ZFC3H1: variants seen among roughly 807,000 people sequenced by gnomAD.
ZFC3H1 encodes the protein zinc finger C3H1-type containing, also known as zinc finger C3H1 domain-containing protein.
ZFC3H1 carries 71 observed loss-of-function variants against 243.7 expected under a neutral mutation model. That is an observed-to-expected ratio of 0.29 (90% CI 0.24 to 0.36). The LOEUF (loss-of-function observed/expected upper bound fraction) is 0.36. Among genes scored for constraint, ZFC3H1 ranks in the 10% least tolerant of loss-of-function variants. ZFC3H1 has a pLI of 1.00. For missense variants in ZFC3H1, 1,966 were observed against 2,317.1 expected (o/e 0.85, Z 3.11); for synonymous variants, 838 against 813.0 (o/e 1.03, Z -0.52).
chr12:71,663,010 T>C lies in ZFC3H1; in HGVS notation c.598+3A>G. ...CCAGCGCCGACCGCCACGTTAAGGATACAGCTCTTCCGAGGTGGAGAGGGC... is the reference window on the plus strand; with the variant it reads ...CCAGCGCCGACCGCCACGTTAAGGACACAGCTCTTCCGAGGTGGAGAGGGC... On this transcript the variant is annotated splice_donor_region_variant and intron_variant, in intron 1 of 34. Coordinates refer to ENST00000378743, the MANE Select transcript of ZFC3H1 (RefSeq NM_144982.5). 6.3e-7 allele frequency: 1 copy of C among 1,596,706 alleles called. No homozygotes were observed. Among genetic ancestry groups the C allele is most frequent in the Non-Finnish European group, 8.5e-7 (1 of 1,171,760 alleles).
chr12:71,615,156 T>C (rs750375854), intron 28 of ZFC3H1, 50 bp downstream of exon 28: 9 of 1,408,382 alleles, frequency 6.4e-6, no homozygotes, highest in Admixed American at 1.9e-5. Flanking sequence ...CAGTAATAAA[T>C]AGCAAATGCA....
intron 3 of ZFC3H1, among the ~76,000 whole-genome samples, chr12:71,645,468 A>AAGG (rs1442360734): frequency 6.6e-6 from 1 of 152,220 alleles, no homozygotes; most frequent in Non-Finnish European, 1.5e-5. Flanking sequence ...AGGAAAGAAG[A>AAGG]AGGAAGTGGT....
At chr12:71,655,522 T>G (rs1367601165) in intron 2 of ZFC3H1, among the ~76,000 whole-genome samples, 1 of 151,972 alleles carries the variant, frequency 6.6e-6, no homozygotes, top group Non-Finnish European at 1.5e-5. Flanking sequence ...ATACTACAGA[T>G]AAAAAAGTAA....
chr12:71,611,346 A>T, intron 32 of ZFC3H1: 2 of 277,466 alleles, frequency 7.2e-6, no homozygotes, highest in Non-Finnish European at 1.3e-5. Flanking sequence ...CGTTCACAGG[A>T]GAAAAAAAAA....
At chr12:71,652,310 T>G (rs1417930154) in intron 2 of ZFC3H1, among the ~76,000 whole-genome samples, 1 of 152,226 alleles carries the variant, frequency 6.6e-6, no homozygotes, top group African/African-American at 2.4e-5. Flanking sequence ...CATCATTTTC[T>G]TGCTTAAAAA....
intron 16 of ZFC3H1, among the ~76,000 whole-genome samples, 166 bp from the exon 17 acceptor site, chr12:71,631,120 A>T (rs1292795481): frequency 6.6e-6 from 1 of 152,164 alleles, no homozygotes. Context: ...AAGACCTAGA[A>T]TATCAAGGGA....
intron 16 of ZFC3H1, 62 bp downstream of exon 16, chr12:71,631,716 T>C (rs926193498): frequency 2.9e-6 from 4 of 1,369,720 alleles, no homozygotes; most frequent in African/African-American, 1.5e-5. Context: ...ATATTCAAGA[T>C]AAAATATTAA....
intron 3 of ZFC3H1, among the ~76,000 whole-genome samples, chr12:71,645,461 AAAG>A (rs1345567831): frequency 7.9e-5 from 12 of 152,250 alleles, no homozygotes; most frequent in African/African-American, 2.2e-4. Context: ...AGAGGTAAGG[AAAG>A]AAGAAGGAAG....
intron 3 of ZFC3H1, among the ~76,000 whole-genome samples, chr12:71,645,817 C>G (rs1405314432): frequency 6.6e-6 from 1 of 152,190 alleles, no homozygotes; most frequent in Non-Finnish European, 1.5e-5. Context: ...AAAAATTAAT[C>G]TGTTCTCTCC....
intron 19 of ZFC3H1, among the ~76,000 whole-genome samples, chr12:71,629,303 C>T (rs1880253989): frequency 6.6e-6 from 1 of 151,680 alleles, no homozygotes; most frequent in Non-Finnish European, 1.5e-5. Flanking sequence ...GTAGCTGAGG[C>T]TGCAGGCACA....
At chr12:71,619,810 G>A (rs1044162712) in intron 26 of ZFC3H1, 116 bp downstream of exon 26, 1 of 898,024 alleles carries the variant, frequency 1.1e-6, no homozygotes, top group African/African-American at 1.7e-5. Context: ...AAGAGAGAAG[G>A]AACACCTAAC....
chr12:71,657,546 T>A (rs1485097899), intron 1 of ZFC3H1, among the ~76,000 whole-genome samples: 1 of 152,228 alleles, frequency 6.6e-6, no homozygotes, highest in Non-Finnish European at 1.5e-5. Flanking sequence ...GTGTCATAAT[T>A]ACCAGTAGTA....
rs1308660020 is a variant in ZFC3H1 at position 71,612,779 on chromosome 12, T to A, written c.5627+556A>T. ...TTTTTGAATTAAAAAGCATAATTCT[T>A]GCGGATGAAAGTGGATTTGCTGTAT... On this transcript the variant is annotated intron_variant, in intron 31 of 34. Coordinates refer to ENST00000378743, the MANE Select transcript of ZFC3H1 (RefSeq NM_144982.5). Among the ~76,000 whole-genome samples, 7 of 152,164 alleles carry A rather than the reference T, an allele frequency of 4.6e-5. No individual in the cohort carries two copies. The East Asian group carries it at 1.3e-3, about 29-fold the overall frequency.
chr12:71,615,379 AT>A, intron 27 of ZFC3H1, 63 bp from the exon 28 acceptor site: 1 of 1,075,316 alleles, frequency 9.3e-7, no homozygotes, highest in Non-Finnish European at 1.4e-6. Context: ...TTACACACAT[AT>A]TTTTTAAAAT....
At chr12:71,656,535 A>G (rs1592604120) in intron 2 of ZFC3H1, 1 of 662,816 alleles carries the variant, frequency 1.5e-6, no homozygotes, top group Non-Finnish European at 2.7e-6. Context: ...GAATAGGAGT[A>G]AAACCCTCCT....
At chr12:71,648,558 CTTAATT>C (rs1423302509) in intron 2 of ZFC3H1, among the ~76,000 whole-genome samples, 4 of 152,124 alleles carry the variant, frequency 2.6e-5, no homozygotes, top group African/African-American at 4.8e-5. Context: ...TAAACTAGAT[CTTAATT>C]TTAAGTCTGG....
rs144722001 is a variant in ZFC3H1, at chr12:71,658,585, A to G, written c.599-1284T>C. On this transcript the variant is annotated intron_variant, in intron 1 of 34. Coordinates refer to ENST00000378743, the MANE Select transcript of ZFC3H1 (RefSeq NM_144982.5). ...ATTACAGGTGTGAGCCACTGCACCCAGCCTATAGATTATTTTCAGTTGGCT... is the reference window on the plus strand; with the variant it reads ...ATTACAGGTGTGAGCCACTGCACCCGGCCTATAGATTATTTTCAGTTGGCT... 6.7e-3 allele frequency among the ~76,000 whole-genome samples: 1,017 copies of G among 152,080 alleles called. 5 individuals are homozygous for G. Among genetic ancestry groups the G allele is most frequent in the African/African-American group, 0.018 (745 of 41,508 alleles).
Position 71,632,008 on chromosome 12 carries a change from G to A in ZFC3H1, c.3324C>T (p.Thr1108=). Reference sequence around the variant, plus strand: ...AAACCTTCTCTGTAATGCCTGTGGTGGTTTTTAAAATCAGCTGTTTTAGGC... The same window carrying A: ...AAACCTTCTCTGTAATGCCTGTGGTAGTTTTTAAAATCAGCTGTTTTAGGC... ...ADSLKQLILK[T]TTGITEKVLH... is the part of the protein sequence containing the mutation. Residue 1108 remains threonine, a synonymous_variant, in exon 15 of 35, where the codon ACC becomes ACT. Coordinates refer to ENST00000378743, the MANE Select transcript of ZFC3H1 (RefSeq NM_144982.5). The A allele has an allele frequency of 6.2e-6, 10 of 1,600,454 alleles. No homozygotes were observed. Among genetic ancestry groups the A allele is most frequent in the Non-Finnish European group, 8.5e-6 (10 of 1,175,458 alleles).
Position 71,647,750 on chromosome 12 carries a change from T to A in ZFC3H1, c.1079A>T (p.Lys360Met). The change falls in exon 3 of 35, where the codon AAG becomes ATG. Residue 360 changes from lysine (K) to methionine (M), a missense_variant and splice_region_variant. Physicochemically the swap from Lys to Met is moderately conservative, Grantham distance 95. This residue lies in a region of ZFC3H1 where 484 missense variants were observed against 449.7 expected (regional missense o/e 1.08). Coordinates refer to ENST00000378743, the MANE Select transcript of ZFC3H1 (RefSeq NM_144982.5). ...RISTSDILSE[K>M]KLGEDEEELS... Reference sequence around the variant, plus strand: ...TAGTCTCACAAAGCAGTATCTTACCTTTTCAGACAGAATATCTGAGGTACT... The same window carrying A: ...TAGTCTCACAAAGCAGTATCTTACCATTTCAGACAGAATATCTGAGGTACT... 6.8e-7 allele frequency: 1 copy of A among 1,474,392 alleles called. No homozygotes were observed. The highest frequency in any genetic ancestry group is 2.4e-5 in the East Asian group (1 of 41,754). 91.3% of individuals were successfully genotyped at this position (1,474,392 alleles called of 1,614,324 possible). A position where few individuals can be genotyped will look rare whatever the true frequency, so the allele number is the denominator to read the frequency against.
Sources: gnomAD v4.1 joint callset for allele counts (sites outside exome capture counted in the v4.1 genomes callset) on GRCh38, gnomAD v4.1.1 for gene constraint, gnomAD v4.1.1 regional missense constraint, MANE v1.5 for transcripts, NCBI Gene and HGNC (gene_info 2026-07-23, HGNC 2026-07-21) for gene names.